The following CD244 variants were observed in gnomAD, a reference collection of about 807,000 sequenced individuals.
The protein encoded by CD244 is natural killer cell receptor 2B4.
Under a neutral mutation model 45.5 loss-of-function variants are expected in CD244, and 20 were observed. That is an observed-to-expected ratio of 0.44 (90% CI 0.31 to 0.64). The LOEUF is 0.64. CD244 is among the 30% of genes least tolerant of loss of function. The pLI is 0.08. For missense variants in CD244, 407 were observed against 426.9 expected, an observed-to-expected ratio of 0.95 and a Z score of 0.41; for synonymous variants, 185 against 160.5, an observed-to-expected ratio of 1.15 and a Z score of -1.15.
At chr1:160,838,790 TG>T in intron 4 of CD244, 148 bp downstream of exon 4, 1 of 629,204 alleles carries the variant, frequency 1.6e-6, no homozygotes, top group Non-Finnish European at 2.8e-6. Context: ...GCAACCTGCT[TG>T]CCCCCCGCCA....
chr1:160,835,438 G>A (rs1557831315), intron 6 of CD244, among the ~76,000 whole-genome samples: 2 of 152,152 alleles, frequency 1.3e-5, no homozygotes, highest in African/African-American at 4.8e-5. Flanking sequence ...TCATGAGGCT[G>A]TTATGTGAGA....
chr1:160,855,039 A>AGT (rs1670057646), intron 1 of CD244, among the ~76,000 whole-genome samples: 3 of 152,218 alleles, frequency 2.0e-5, no homozygotes, highest in Admixed American at 2.0e-4. Context: ...ACAGGGCAAG[A>AGT]ACACTCTTGC....
At chr1:160,850,657 C>G (rs1480359586) in intron 1 of CD244, among the ~76,000 whole-genome samples, 1 of 152,142 alleles carries the variant, frequency 6.6e-6, no homozygotes, top group Non-Finnish European at 1.5e-5. Context: ...TAGAAATAGA[C>G]CCTGTGTGTG....
At chr1:160,857,473 C>T (rs1670151606) in intron 1 of CD244, among the ~76,000 whole-genome samples, 1 of 152,176 alleles carries the variant, frequency 6.6e-6, no homozygotes. Flanking sequence ...TGATCTGCTA[C>T]AAATAATAAC....
chr1:160,859,091 G>A (rs1353121548), intron 1 of CD244, among the ~76,000 whole-genome samples: 2 of 152,190 alleles, frequency 1.3e-5, no homozygotes, highest in African/African-American at 2.4e-5. Flanking sequence ...CTAAGAGTTT[G>A]CAGAATGGCA....
intron 8 of CD244, among the ~76,000 whole-genome samples, chr1:160,832,028 C>G (rs532435795): frequency 6.6e-6 from 1 of 152,230 alleles, no homozygotes; most frequent in Admixed American, 6.5e-5. Context: ...CTTTCCAGTC[C>G]CTAAATGCTC....
chr1:160,853,204 A>G (rs1298066203), intron 1 of CD244, among the ~76,000 whole-genome samples: 2 of 152,210 alleles, frequency 1.3e-5, no homozygotes, highest in Non-Finnish European at 1.5e-5. Flanking sequence ...AAGAAAAGCT[A>G]CTTTTCCTGG....
chr1:160,836,149 A>T (rs772986752), intron 6 of CD244, 46 bp downstream of exon 6: 9 of 1,435,874 alleles, frequency 6.3e-6, no homozygotes, highest in Non-Finnish European at 7.9e-6. Flanking sequence ...GCATTAGGAA[A>T]CCCCAGAGAT....
At chr1:160,845,349 A>G (rs1226343927) in intron 1 of CD244, among the ~76,000 whole-genome samples, 1 of 152,232 alleles carries the variant, frequency 6.6e-6, no homozygotes, top group African/African-American at 2.4e-5. Flanking sequence ...AAGAAAAACA[A>G]AAGGATAAAA....
At chr1:160,844,577 G>A (rs1409636115) in intron 1 of CD244, among the ~76,000 whole-genome samples, 1 of 152,144 alleles carries the variant, frequency 6.6e-6, no homozygotes, top group African/African-American at 2.4e-5. Context: ...TTGTTCTCTT[G>A]GAACCTCATC....
At chr1:160,840,562 T>C (rs1378260116) in intron 3 of CD244, among the ~76,000 whole-genome samples, 1 of 152,210 alleles carries the variant, frequency 6.6e-6, no homozygotes, top group Non-Finnish European at 1.5e-5. Context: ...CCGGCCTGCC[T>C]CAGTCTTGTT....
intron 1 of CD244, among the ~76,000 whole-genome samples, chr1:160,843,805 A>G (rs183064497): frequency 6.6e-6 from 1 of 152,380 alleles, no homozygotes; most frequent in East Asian, 1.9e-4. Flanking sequence ...AGGTGAGATC[A>G]GCATTTCTGA....
chr1:160,847,159 A>G (rs1047190442), intron 1 of CD244, among the ~76,000 whole-genome samples: 1 of 152,140 alleles, frequency 6.6e-6, no homozygotes, highest in African/African-American at 2.4e-5. Flanking sequence ...GTAGGAATAA[A>G]CAATCATCTT....
At position 160,838,505 on chromosome 1, in the gene CD244, C is replaced by A; in HGVS notation, c.780G>T (p.Lys260Asn). The A allele has an allele frequency of 6.2e-7, 1 of 1,613,006 alleles. No individual in the cohort carries two copies. Among genetic ancestry groups the A allele is most frequent in the Non-Finnish European group, 8.5e-7 (1 of 1,178,972 alleles). The stretch of plus-strand genomic sequence containing the variant: ...CATCTTCGTAAATTGTCAAAAATTC[C>A]TTGGGACTGGTCTCTGAGGGAGGAA... ...RKEKQSETSP[K>N]EFLTIYEDVK... is the part of the protein sequence containing the mutation. The change falls in exon 5 of 9, where the codon AAG becomes AAT. Residue 260 changes from lysine (K) to asparagine (N), a missense_variant. By Grantham distance (94) the Lys-to-Asn change is moderately conservative (BLOSUM62 0). Coordinates refer to ENST00000368034, the MANE Select transcript of CD244 (RefSeq NM_016382.4).
intron 1 of CD244, among the ~76,000 whole-genome samples, chr1:160,852,132 G>A (rs924591862): frequency 6.6e-6 from 1 of 152,152 alleles, no homozygotes; most frequent in Non-Finnish European, 1.5e-5. Flanking sequence ...AAAAGCAACA[G>A]ACTTGGGCAG....
chr1:160,854,858 C>T (rs1330069711), intron 1 of CD244, among the ~76,000 whole-genome samples: 1 of 152,076 alleles, frequency 6.6e-6, no homozygotes, highest in African/African-American at 2.4e-5. Flanking sequence ...AGAGAGAACA[C>T]CAGGTGTTGT....
At chr1:160,843,472 A>T (rs571178885) in intron 1 of CD244, among the ~76,000 whole-genome samples, 113 of 152,368 alleles carry the variant, frequency 7.4e-4, no homozygotes, top group Non-Finnish European at 1.4e-3. Context: ...TTCAGTCCTT[A>T]CTGAGTCCCA....
intron 1 of CD244, among the ~76,000 whole-genome samples, chr1:160,850,428 AT>A (rs979718819): frequency 1.2e-4 from 18 of 152,214 alleles, no homozygotes; most frequent in African/African-American, 4.3e-4. Context: ...TAGAATTCCA[AT>A]AAAAATTATT....
chr1:160,851,683 T>G (rs888851080), intron 1 of CD244, among the ~76,000 whole-genome samples: 5 of 152,200 alleles, frequency 3.3e-5, no homozygotes, highest in Non-Finnish European at 5.9e-5. Context: ...TATGTTTATT[T>G]TGAGACCAGA....
Sources: allele counts gnomAD v4.1 joint callset (sites outside exome capture counted in the v4.1 genomes callset), GRCh38; gene constraint gnomAD v4.1.1; transcripts MANE v1.5; gene names NCBI Gene and HGNC (gene_info 2026-07-23, HGNC 2026-07-21).